The following PCDH7 variants were observed in gnomAD, a reference collection of about 807,000 sequenced individuals.
The protein encoded by PCDH7 is protocadherin 7, also known as protocadherin-7.
In PCDH7, 17 loss-of-function variants were observed where a neutral mutation model predicts 58.9. The observed-to-expected ratio is 0.29, with a 90% CI of 0.20 to 0.43. The LOEUF is 0.43. Ranked by LOEUF, PCDH7 falls within the 20% of genes least tolerant of loss-of-function variation. The probability of loss-of-function intolerance (pLI) is 1.00; values close to 1 mark genes in which losing one functional copy is unlikely to be tolerated. For synonymous variants in PCDH7, 664 were observed against 616.4 expected (o/e 1.08, Z -1.14); for missense variants, 1,274 against 1,441.0 (o/e 0.88, Z 1.88).
chr4:31,047,399 G>A (rs1354250871), intron 3 of PCDH7, among the ~76,000 whole-genome samples: 1 of 151,950 alleles, frequency 6.6e-6, no homozygotes, highest in East Asian at 1.9e-4. Flanking sequence ...TTTAAATTCA[G>A]GAATCATAAA....
intron 1 of PCDH7, among the ~76,000 whole-genome samples, chr4:30,897,850 C>A (rs1331518634): frequency 6.6e-6 from 1 of 152,126 alleles, no homozygotes; most frequent in Non-Finnish European, 1.5e-5. Context: ...TTTGAGAAAT[C>A]ATTTCAAATT....
intron 3 of PCDH7, among the ~76,000 whole-genome samples, chr4:31,085,749 T>C (rs952598849): frequency 2.6e-5 from 4 of 152,168 alleles, no homozygotes; most frequent in Admixed American, 1.3e-4. Flanking sequence ...TTAACAAGTG[T>C]TAAACTAGCA....
chr4:30,965,762 A>G (rs1386040662), intron 3 of PCDH7, among the ~76,000 whole-genome samples: 2 of 152,058 alleles, frequency 1.3e-5, no homozygotes, highest in Non-Finnish European at 2.9e-5. Context: ...TTGCATCTGT[A>G]TCTTTCCATC....
intron 3 of PCDH7, among the ~76,000 whole-genome samples, chr4:31,000,099 T>C (rs1752239712): frequency 6.6e-6 from 1 of 152,116 alleles, no homozygotes; most frequent in Non-Finnish European, 1.5e-5. Context: ...ATAATAGCTA[T>C]ATTGAACAAA....
chr4:30,902,207 G>T (rs138474136), intron 1 of PCDH7, among the ~76,000 whole-genome samples: 1 of 152,104 alleles, frequency 6.6e-6, no homozygotes, highest in Non-Finnish European at 1.5e-5. Context: ...TCTGCTACCC[G>T]TTAATCATTA....
chr4:31,130,001 A>G (rs1424925396), intron 3 of PCDH7, among the ~76,000 whole-genome samples: 5 of 152,160 alleles, frequency 3.3e-5, no homozygotes, highest in Admixed American at 3.3e-4. Flanking sequence ...AACAACAACA[A>G]AAAATAAGTG....
chr4:31,048,405 G>T lies in PCDH7; in HGVS notation c.*8-94068G>T, dbSNP rs183952063. Among the ~76,000 whole-genome samples, 5 of 152,080 alleles carry T rather than the reference G, an allele frequency of 3.3e-5. No individual in the cohort carries two copies. The East Asian group carries it at 9.7e-4, about 29-fold the overall frequency. On this transcript the variant is annotated intron_variant, in intron 3 of 3. Transcript: ENST00000509759. The stretch of plus-strand genomic sequence containing the variant: ...TCAATAAAGATTACATCCCACTAAG[G>T]CATGTAAATATTGACACTTTCTAAT...
chr4:31,048,273 T>C (rs2109215758), intron 3 of PCDH7, among the ~76,000 whole-genome samples: 1 of 152,174 alleles, frequency 6.6e-6, no homozygotes, highest in South Asian at 2.1e-4. Flanking sequence ...TGGATTTCTT[T>C]ATGGCTCTAC....
chr4:30,999,309 G>A (rs1478002302), intron 3 of PCDH7, among the ~76,000 whole-genome samples: 1 of 152,094 alleles, frequency 6.6e-6, no homozygotes, highest in East Asian at 1.9e-4. Flanking sequence ...TAATAAGTGT[G>A]TGAAAACATA....
Position 31,005,858 on chromosome 4 carries a change from T to A in PCDH7, c.*7+55643T>A, listed in dbSNP as rs184607356. Among the ~76,000 whole-genome samples the A allele has an allele frequency of 2.2e-4, 33 of 152,300 alleles. No homozygotes were observed. The East Asian group carries it at 6.0e-3, about 28-fold the overall frequency. On this transcript the variant is annotated intron_variant, in intron 3 of 3. Transcript: ENST00000509759. The stretch of plus-strand genomic sequence containing the variant: ...GCCCACTTCTATCACCGGAGAAAGC[T>A]CATTTGGATGGTGCTGATACAGAGT...
chr4:30,875,355 C>A (rs1736152636), intron 1 of PCDH7, among the ~76,000 whole-genome samples: 1 of 152,030 alleles, frequency 6.6e-6, no homozygotes, highest in South Asian at 2.1e-4. Context: ...TACCTCTGAA[C>A]AGACCCTATC....
At chr4:30,893,842 G>A (rs1738924988) in intron 1 of PCDH7, among the ~76,000 whole-genome samples, 1 of 152,038 alleles carries the variant, frequency 6.6e-6, no homozygotes, top group African/African-American at 2.4e-5. Context: ...TGCTTACACA[G>A]GCCTGCATGT....
In PCDH7 at chr4:30,753,786, C is replaced by T. The variant is rs546903209; in HGVS notation, c.70+29190C>T. Among the ~76,000 whole-genome samples the T allele has an allele frequency of 3.3e-5, 5 of 152,178 alleles. No homozygotes were observed. In the East Asian group the frequency reaches 9.7e-4, roughly 29 times the overall value. On this transcript the variant is annotated intron_variant, in intron 1 of 3. Coordinates refer to the PCDH7 transcript ENST00000509759. The stretch of plus-strand genomic sequence containing the variant: ...GTGCATTTTAAGAATTGTGATAGAG[C>T]CTTTTTTTAAGAATTCCTCCCAAAA...
At chr4:30,862,371 AG>A (rs1406858895) in intron 1 of PCDH7, among the ~76,000 whole-genome samples, 2 of 152,310 alleles carry the variant, frequency 1.3e-5, no homozygotes, top group East Asian at 3.9e-4. Context: ...TTCTCTCCAC[AG>A]AAAACTCTCT....
In PCDH7 at chr4:30,912,406, C is replaced by T. The variant is rs930313073; in HGVS notation, c.71-7747C>T. Among the ~76,000 whole-genome samples the T allele has an allele frequency of 6.2e-4, 94 of 152,144 alleles. 2 individuals are homozygous for T. Among genetic ancestry groups the T allele is most frequent in the Non-Finnish European group, 1.3e-4 (9 of 68,024 alleles). On this transcript the variant is annotated intron_variant, in intron 1 of 3. Transcript: ENST00000509759. ...TCTTTAAAAATGAAATGCAGCACTC[C>T]TTATAATAATGCAATGTTCTGCTCC...
intron 3 of PCDH7, among the ~76,000 whole-genome samples, chr4:31,083,551 C>A (rs1363969391): frequency 6.6e-6 from 1 of 152,086 alleles, no homozygotes; most frequent in Non-Finnish European, 1.5e-5. Flanking sequence ...AAAAACTAAG[C>A]TCATTTTTCT....
At position 30,933,683 on chromosome 4, in the gene PCDH7, A is replaced by T. The variant is rs373608167; in HGVS notation, c.287+13314A>T. The stretch of plus-strand genomic sequence containing the variant: ...TCTAAACATTCACCAACTATCTATC[A>T]ATTTTTTAGTTGTTTACTTGGTAGT... On this transcript the variant is annotated intron_variant, in intron 2 of 3. Transcript: ENST00000509759. 1.4e-4 allele frequency among the ~76,000 whole-genome samples: 22 copies of T among 152,116 alleles called. No homozygotes were observed. In the East Asian group the frequency reaches 4.1e-3, roughly 28 times the overall value.
rs544408924 is a variant in PCDH7, at chr4:30,911,620, A to G, written c.71-8533A>G. 2.0e-5 allele frequency among the ~76,000 whole-genome samples: 3 copies of G among 152,294 alleles called. No individual in the cohort carries two copies. The South Asian group carries it at 6.2e-4, about 32-fold the overall frequency. ...TAATATCTTTTTTAGAAGTTTTTAG[A>G]AAAACAATTGCCTACATTAACTAAG... On this transcript the variant is annotated intron_variant, in intron 1 of 3. Transcript: ENST00000509759.
At chr4:30,819,267 C>T (rs1159392034) in intron 1 of PCDH7, among the ~76,000 whole-genome samples, 1 of 152,050 alleles carries the variant, frequency 6.6e-6, no homozygotes, top group African/African-American at 2.4e-5. Flanking sequence ...GGTGGGGAAC[C>T]TAGGCCTGGC....
Sources: allele counts gnomAD v4.1 joint callset (sites outside exome capture counted in the v4.1 genomes callset), GRCh38; gene constraint gnomAD v4.1.1; transcripts MANE v1.5; gene names NCBI Gene and HGNC (gene_info 2026-07-23, HGNC 2026-07-21).